The following TTC39B variants were observed in gnomAD, a reference collection of about 807,000 sequenced individuals.
TTC39B encodes the protein tetratricopeptide repeat protein 39B.
Under a neutral mutation model 96.6 loss-of-function variants are expected in TTC39B, and 92 were observed. The observed-to-expected ratio is 0.95, with a 90% CI of 0.80 to 1.13. The LOEUF (loss-of-function observed/expected upper bound fraction) is 1.13. Ranked by LOEUF, TTC39B falls within the 50% of genes most tolerant of loss-of-function variation. TTC39B has a pLI of 0.00. For missense variants in TTC39B, 955 were observed against 809.3 expected (o/e 1.18, Z -2.18); for synonymous variants, 367 against 299.4 (o/e 1.23, Z -2.33).
chr9:15,192,686 A>G (rs761028509), exon 9 of TTC39B: 4 of 1,613,566 alleles, frequency 2.5e-6, no homozygotes, highest in Non-Finnish European at 3.4e-6. Context: ...GCAGGATAGA[A>G]AGACATTCTC....
In TTC39B at chr9:15,192,701, T is replaced by C; in HGVS notation, c.825-6A>G. The C allele has an allele frequency of 6.2e-7, 1 of 1,606,352 alleles. No homozygotes were observed. The highest frequency in any genetic ancestry group is 8.5e-7 in the Non-Finnish European group (1 of 1,175,674). On this transcript the variant is annotated splice_polypyrimidine_tract_variant and splice_region_variant and intron_variant, in intron 8 of 19. Transcript: ENST00000512701. ...GCAGGATAGAAAGACATTCTCTGGGTTGAAGAAAAAAAGTGACAGCATAAG... is the reference window on the plus strand; with the variant it reads ...GCAGGATAGAAAGACATTCTCTGGGCTGAAGAAAAAAAGTGACAGCATAAG...
At chr9:15,288,407 C>A (rs1232125816) in intron 1 of TTC39B, among the ~76,000 whole-genome samples, 1 of 152,134 alleles carries the variant, frequency 6.6e-6, no homozygotes, top group African/African-American at 2.4e-5. Flanking sequence ...AGAAGAATGG[C>A]AGAATGGCAC....
chr9:15,225,801 C>G, intron 3 of TTC39B, 116 bp downstream of exon 3: 1 of 885,486 alleles, frequency 1.1e-6, no homozygotes, highest in African/African-American at 1.7e-5. Context: ...CTAGGCCTCT[C>G]CTGACCTCAT....
chr9:15,307,176 C>T, exon 1 of TTC39B: 1 of 1,592,226 alleles, frequency 6.3e-7, no homozygotes, highest in Non-Finnish European at 8.6e-7. Flanking sequence ...AACTCAGAGC[C>T]GACTCCTGCT....
intron 2 of TTC39B, among the ~76,000 whole-genome samples, chr9:15,243,235 A>T (rs1822125216): frequency 6.6e-6 from 1 of 152,220 alleles, no homozygotes; most frequent in Non-Finnish European, 1.5e-5. Flanking sequence ...TTAACTGGGC[A>T]TTTACCCCTC....
At chr9:15,166,156 T>C (rs1817513726) in exon 20 of TTC39B, 1 of 152,246 alleles carries the variant, frequency 6.6e-6, no homozygotes, top group Non-Finnish European at 1.5e-5. Context: ...ATACAAGGTA[T>C]ATTGTATGTT....
At position 15,172,451 on chromosome 9, in the gene TTC39B, A is replaced by G. The variant is rs371436129; in HGVS notation, c.1959-342T>C. 3.8e-4 allele frequency among the ~76,000 whole-genome samples: 58 copies of G among 152,242 alleles called. No individual in the cohort carries two copies. The East Asian group carries it at 9.2e-3, about 24-fold the overall frequency. On this transcript the variant is annotated intron_variant, in intron 19 of 19. Transcript: ENST00000512701. ...TAAATAATTAGACTTCCTTTTTTAA[A>G]TTGGAAAATTTTAAGGTAGGTGCAT...
At chr9:15,253,747 G>T (rs565564355) in intron 2 of TTC39B, among the ~76,000 whole-genome samples, 1 of 151,908 alleles carries the variant, frequency 6.6e-6, no homozygotes, top group Non-Finnish European at 1.5e-5. Context: ...CTTTGAAATG[G>T]GCTTGTAAGG....
At chr9:15,259,074 GA>G (rs1243938023) in intron 2 of TTC39B, among the ~76,000 whole-genome samples, 4 of 151,930 alleles carry the variant, frequency 2.6e-5, no homozygotes, top group Non-Finnish European at 5.9e-5. Flanking sequence ...CAGAAACAAG[GA>G]AAAAACACCA....
intron 18 of TTC39B, 38 bp downstream of exon 18, chr9:15,177,659 C>T (rs1818012992): frequency 7.0e-7 from 1 of 1,429,698 alleles, no homozygotes; most frequent in South Asian, 1.2e-5. Context: ...CCAGAAACCA[C>T]AATTTGCACT....
At chr9:15,211,061 T>C (rs1820168292) in intron 5 of TTC39B, among the ~76,000 whole-genome samples, 1 of 144,074 alleles carries the variant, frequency 6.9e-6, no homozygotes, top group Non-Finnish European at 1.5e-5. Flanking sequence ...CCCAGATCTC[T>C]GTAGCTCAGA....
chr9:15,237,951 C>T (rs964685126), intron 2 of TTC39B, among the ~76,000 whole-genome samples: 1 of 152,194 alleles, frequency 6.6e-6, no homozygotes, highest in African/African-American at 2.4e-5. Context: ...ATCAAGTGAG[C>T]TTTATTCCAG....
At chr9:15,222,926 G>A (rs117498482) in intron 3 of TTC39B, among the ~76,000 whole-genome samples, 2 of 152,298 alleles carry the variant, frequency 1.3e-5, no homozygotes, top group Non-Finnish European at 2.9e-5. Context: ...CACCTCTAAT[G>A]AAGAGATGTG....
At chr9:15,290,302 C>T (rs756787962) in intron 1 of TTC39B, among the ~76,000 whole-genome samples, 8 of 152,076 alleles carry the variant, frequency 5.3e-5, no homozygotes, top group Admixed American at 2.6e-4. Flanking sequence ...ACTCATCATG[C>T]CAAAGAGAAA....
chr9:15,281,011 TTTTC>T (rs891581549), intron 1 of TTC39B, among the ~76,000 whole-genome samples: 2 of 151,614 alleles, frequency 1.3e-5, no homozygotes, highest in Admixed American at 6.6e-5. Flanking sequence ...TTTATTTCTT[TTTTC>T]TTTCTTTTTT....
rs565913999 is a variant in TTC39B at position 15,199,595 on chromosome 9, C to T, written c.824+266G>A. Among the ~76,000 whole-genome samples the T allele has an allele frequency of 1.4e-3, 207 of 151,350 alleles. 2 individuals are homozygous for T. The highest frequency in any genetic ancestry group is 4.2e-3 in the African/African-American group (172 of 41,290). Reference sequence around the variant, plus strand: ...CTAAAAATACAAAAAATTAGCCGGGCGTGGTGGCGGGCGCCTGTAGTCCCA... The same window carrying T: ...CTAAAAATACAAAAAATTAGCCGGGTGTGGTGGCGGGCGCCTGTAGTCCCA... On this transcript the variant is annotated intron_variant, in intron 8 of 19. Coordinates refer to ENST00000512701, the Ensembl canonical transcript of TTC39B.
At chr9:15,274,684 A>G (rs1823475352) in intron 1 of TTC39B, among the ~76,000 whole-genome samples, 1 of 152,212 alleles carries the variant, frequency 6.6e-6, no homozygotes, top group South Asian at 2.1e-4. Context: ...GGAACAAAAC[A>G]TGACCTTCTC....
intron 17 of TTC39B, among the ~76,000 whole-genome samples, chr9:15,181,345 T>G (rs1224782289): frequency 6.6e-6 from 1 of 152,212 alleles, no homozygotes; most frequent in Admixed American, 6.5e-5. Context: ...AATACCTAAG[T>G]GACTTGGCAT....
exon 1 of TTC39B, chr9:15,307,090 C>G (rs1824777152): frequency 1.9e-6 from 3 of 1,610,058 alleles, no homozygotes; most frequent in Non-Finnish European, 1.7e-6. Flanking sequence ...GTACCTCGTC[C>G]GCTTCCAGCT....
Sources: gnomAD v4.1 joint callset for allele counts (sites outside exome capture counted in the v4.1 genomes callset) on GRCh38, gnomAD v4.1.1 for gene constraint, MANE v1.5 for transcripts, NCBI Gene and HGNC (gene_info 2026-07-23, HGNC 2026-07-21) for gene names.